ESRRB: variants seen among roughly 807,000 people sequenced by gnomAD.
ESRRB encodes the protein steroid hormone receptor ERR2.
Under a neutral mutation model 46.0 loss-of-function variants are expected in ESRRB, and 16 were observed. That is an observed-to-expected ratio of 0.35 (90% CI 0.24 to 0.53). The LOEUF is 0.53. Among genes scored for constraint, ESRRB ranks in the 20% least tolerant of loss-of-function variants. ESRRB has a pLI of 0.93. For missense variants in ESRRB, 488 were observed against 607.4 expected (o/e 0.80, Z 2.07); for synonymous variants, 246 against 259.6 (o/e 0.95, Z 0.50).
At chr14:76,492,436 G>A (rs934876229) in intron 6 of ESRRB, among the ~76,000 whole-genome samples, 3 of 152,206 alleles carry the variant, frequency 2.0e-5, no homozygotes, top group Non-Finnish European at 4.4e-5. Flanking sequence ...CAAAGTGTTG[G>A]CACTACAGGT....
chr14:76,432,138 A>G (rs1258110455), intron 1 of ESRRB, among the ~76,000 whole-genome samples: 2 of 152,124 alleles, frequency 1.3e-5, no homozygotes, highest in Non-Finnish European at 2.9e-5. Context: ...AGTGGTTCTC[A>G]GCAGTTTTGC....
chr14:76,431,248 G>A (rs1230172510), intron 1 of ESRRB, among the ~76,000 whole-genome samples: 2 of 152,112 alleles, frequency 1.3e-5, no homozygotes, highest in East Asian at 3.9e-4. Context: ...TGAGCCAGAT[G>A]GAGCTACTGC....
chr14:76,407,221 G>T (rs1428842619), intron 1 of ESRRB, among the ~76,000 whole-genome samples: 1 of 152,216 alleles, frequency 6.6e-6, no homozygotes, highest in African/African-American at 2.4e-5. Context: ...GCAGAGACCA[G>T]CGATCTGAAT....
chr14:76,489,067 G>A (rs1890119812), intron 5 of ESRRB, among the ~76,000 whole-genome samples: 1 of 152,054 alleles, frequency 6.6e-6, no homozygotes, highest in Admixed American at 6.6e-5. Context: ...ACATCCTAAT[G>A]ATTGTACCTG....
At chr14:76,434,337 T>C (rs1887577323) in intron 1 of ESRRB, among the ~76,000 whole-genome samples, 1 of 152,174 alleles carries the variant, frequency 6.6e-6, no homozygotes, top group South Asian at 2.1e-4. Flanking sequence ...GAGTTCTCTA[T>C]TCTGACACTT....
At chr14:76,455,876 T>C (rs1238156683) in intron 2 of ESRRB, among the ~76,000 whole-genome samples, 1 of 151,942 alleles carries the variant, frequency 6.6e-6, no homozygotes, top group Non-Finnish European at 1.5e-5. Context: ...AACTCCTGTC[T>C]CTACTAAAAA....
Position 76,482,450 on chromosome 14 carries a change from G to A in ESRRB, c.689-148G>A. The A allele has an allele frequency of 1.3e-6, 1 of 763,520 alleles. No individual in the cohort carries two copies. The highest frequency in any genetic ancestry group is 2.2e-6 in the Non-Finnish European group (1 of 461,962). 47.3% of individuals were successfully genotyped at this position (763,520 alleles called of 1,614,324 possible). On this transcript the variant is annotated intron_variant, in intron 4 of 6. Coordinates refer to ENST00000644823, the MANE Select transcript of ESRRB (RefSeq NM_001379180.1). This position sits in a 1 kb window ranked among gnomAD's most constrained non-coding sequence, Gnocchi z 4.3. ...AGATCACCACTACCAGCAACTTCAT[G>A]GAGCCAGAACAGGAGGGGAGATTAT... is the stretch of plus-strand genomic sequence containing the variant.
intron 1 of ESRRB, among the ~76,000 whole-genome samples, chr14:76,343,600 G>A (rs113968615): frequency 2.4e-4 from 37 of 152,326 alleles, no homozygotes; most frequent in Non-Finnish European, 5.3e-4. Context: ...GAGCTCAGTC[G>A]AGGGGACTGT....
At chr14:76,450,581 T>TGGCACAGTGCTTCCTCCCG (rs202028265) in intron 2 of ESRRB, among the ~76,000 whole-genome samples, 1,596 of 152,214 alleles carry the variant, frequency 0.01, 14 homozygotes, top group Non-Finnish European at 0.015. Context: ...GAAAGAGGCC[T>TGGCACAGTGCTTCCTCCCG]GGCACAGTGC....
At chr14:76,452,746 A>C (rs989036686) in intron 2 of ESRRB, among the ~76,000 whole-genome samples, 1 of 151,742 alleles carries the variant, frequency 6.6e-6, no homozygotes, top group South Asian at 2.1e-4. Flanking sequence ...TTAGGCTACT[A>C]GGGAGATGGC....
intron 3 of ESRRB, among the ~76,000 whole-genome samples, chr14:76,473,966 C>T (rs777661796): frequency 6.6e-6 from 1 of 152,148 alleles, no homozygotes; most frequent in African/African-American, 2.4e-5. Context: ...CCCACAGGCA[C>T]GAGGGGCACC....
chr14:76,363,067 T>C (rs1884482495), intron 1 of ESRRB, among the ~76,000 whole-genome samples: 1 of 152,168 alleles, frequency 6.6e-6, no homozygotes, highest in Non-Finnish European at 1.5e-5. Context: ...TATCCTTTGA[T>C]GGTGACAGCA....
At chr14:76,479,250 C>CGTGCGTGT (rs937784581) in intron 3 of ESRRB, among the ~76,000 whole-genome samples, 1 of 151,568 alleles carries the variant, frequency 6.6e-6, no homozygotes, top group Non-Finnish European at 1.5e-5. Flanking sequence ...TGCATGCGTG[C>CGTGCGTGT]GTGTGTGTGT....
intron 3 of ESRRB, among the ~76,000 whole-genome samples, chr14:76,476,952 C>T (rs1566607584): frequency 6.6e-6 from 1 of 152,322 alleles, no homozygotes; most frequent in East Asian, 1.9e-4. Flanking sequence ...ATCCCATTGC[C>T]GTGGTGGCAC....
At chr14:76,316,621 G>C (rs1238457788) in intron 1 of ESRRB, among the ~76,000 whole-genome samples, 2 of 152,140 alleles carry the variant, frequency 1.3e-5, no homozygotes, top group East Asian at 3.9e-4. Context: ...CAGCAGGAGG[G>C]ATTTGATGCT....
chr14:76,342,726 A>G (rs964601059), intron 1 of ESRRB, among the ~76,000 whole-genome samples: 5 of 152,262 alleles, frequency 3.3e-5, no homozygotes, highest in African/African-American at 1.2e-4. Flanking sequence ...GATGTTGACC[A>G]CTTAGCACAT....
intron 1 of ESRRB, among the ~76,000 whole-genome samples, chr14:76,339,987 C>A (rs1884172879): frequency 1.3e-5 from 2 of 152,074 alleles, no homozygotes; most frequent in South Asian, 2.1e-4. Context: ...TCAATCAGGA[C>A]TTTAATTAGA....
intron 3 of ESRRB, among the ~76,000 whole-genome samples, chr14:76,480,610 A>G (rs1027533725): frequency 1.3e-5 from 2 of 152,162 alleles, no homozygotes; most frequent in African/African-American, 4.8e-5. Context: ...TTAAGTAACC[A>G]TTGTTCTGAC....
At position 76,481,168 on chromosome 14, in the gene ESRRB, C is replaced by T. The variant is rs146262124; in HGVS notation, c.578-848C>T. ...ATTTGTTGGGATTCATCCTTGCAGG[C>T]CAGGCCACATCAGTGGGTAGCCAGT... On this transcript the variant is annotated intron_variant, in intron 3 of 6. Coordinates refer to ENST00000644823, the MANE Select transcript of ESRRB (RefSeq NM_001379180.1). 1.6e-4 allele frequency among the ~76,000 whole-genome samples: 25 copies of T among 152,318 alleles called. No individual in the cohort carries two copies. The East Asian group carries it at 3.7e-3, about 22-fold the overall frequency.
Sources: gnomAD v4.1 joint callset for allele counts (sites outside exome capture counted in the v4.1 genomes callset) on GRCh38, gnomAD v4.1.1 for gene constraint, Gnocchi (gnomAD v3.1) non-coding constraint, MANE v1.5 for transcripts, NCBI Gene and HGNC (gene_info 2026-07-23, HGNC 2026-07-21) for gene names.